The following CDCA3 variants were observed in gnomAD, a reference collection of about 807,000 sequenced individuals.
The protein encoded by CDCA3 is cell division cycle-associated protein 3.
CDCA3 carries 16 observed loss-of-function variants against 29.1 expected under a neutral mutation model. The observed-to-expected ratio is 0.55, with a 90% CI of 0.37 to 0.83. CDCA3 has a LOEUF of 0.83. CDCA3 is among the 40% of genes least tolerant of loss of function. CDCA3 has a pLI of 0.00. For synonymous variants in CDCA3, 88 were observed against 124.5 expected (o/e 0.71, Z 1.95); for missense variants, 291 against 327.2 (o/e 0.89, Z 0.85).
At chr12:6,844,819 T>A (rs1943652156), downstream of CDCA3, 1 of 152,258 alleles carries the variant, frequency 6.6e-6, no homozygotes, top group Admixed American at 6.5e-5. Flanking sequence ...ATTTTCTTTC[T>A]GTGTCTTTTG....
chr12:6,849,274 C>T lies in CDCA3; in HGVS notation c.651+49G>A, dbSNP rs1555125609. ...AGATCTGGGTAAAAGGGTCTCCCAC[C>T]CTCTACGTTGGATATCCTAGTAACA... On this transcript the variant is annotated intron_variant, in intron 5 of 5. Transcript: ENST00000538862. This position sits in a 1 kb window ranked among gnomAD's most constrained non-coding sequence, Gnocchi z 5.2. The T allele has an allele frequency of 3.1e-6, 5 of 1,599,438 alleles. No homozygotes were observed. The African/African-American group carries it at 5.4e-5, about 17-fold the overall frequency.
rs1227858820 is a variant in CDCA3 at position 6,851,246 on chromosome 12, G to C, written c.-82C>G. 8.4e-7 allele frequency: 1 copy of C among 1,184,886 alleles called. No homozygotes were observed. Among genetic ancestry groups the C allele is most frequent in the African/African-American group, 1.6e-5 (1 of 63,082 alleles). 73.4% of individuals were successfully genotyped at this position (1,184,886 alleles called of 1,614,324 possible). A position where few individuals can be genotyped will look rare whatever the true frequency, so the allele number is the denominator to read the frequency against. ...CCGGGCCCCAATTCCACCTCTGGAT[G>C]CACAACAGCTCGTGGCTCAACTCCC... On this transcript the variant is annotated 5_prime_UTR_variant, in exon 1 of 6. Coordinates refer to ENST00000538862, the MANE Select transcript of CDCA3 (RefSeq NM_031299.7).
downstream of CDCA3, chr12:6,846,501 C>T (rs1943701042): frequency 6.5e-6 from 2 of 308,802 alleles, no homozygotes; most frequent in Non-Finnish European, 6.0e-6. Flanking sequence ...CCAACCAAAG[C>T]TCTTGACAGA....
chr12:6,846,716 T>C (rs1943712031), downstream of CDCA3: 4 of 768,948 alleles, frequency 5.2e-6, no homozygotes, highest in Admixed American at 2.1e-5. Context: ...CACCCACACA[T>C]ACACTTACAC....
chr12:6,846,298 C>G (rs2137993696), downstream of CDCA3: 1 of 168,678 alleles, frequency 5.9e-6, no homozygotes, highest in African/African-American at 2.4e-5. Context: ...GAATCCAAAT[C>G]CTAATTCTGT....
At chr12:6,848,234 C>T (rs782606863), downstream of CDCA3, 1 of 152,396 alleles carries the variant, frequency 6.6e-6, no homozygotes, top group South Asian at 2.1e-4. Flanking sequence ...TGCCTATAAT[C>T]CCAGCTACTG....
At position 6,849,819 on chromosome 12, in the gene CDCA3, A is replaced by C. The variant is rs1943795240; in HGVS notation, c.290T>G (p.Phe97Cys). 2.6e-6 allele frequency: 4 copies of C among 1,568,294 alleles called. No homozygotes were observed. The highest frequency in any genetic ancestry group is 1.9e-5 in the Admixed American group (1 of 53,936). Residue 97 changes from phenylalanine (F) to cysteine (C), a missense_variant, in exon 4 of 6, where the codon TTT becomes TGT. By Grantham distance (205) the Phe-to-Cys change is radical (BLOSUM62 -2). Coordinates refer to ENST00000538862, the MANE Select transcript of CDCA3 (RefSeq NM_031299.7). The surrounding 1 kb of genome is among the most constrained non-coding windows in gnomAD (Gnocchi z 5.2). The stretch of plus-strand genomic sequence containing the variant: ...ATTTGATTTAGAGTCTTCAGTTTCA[A>C]ATACTTCACTCAGCTGTTTCACCAG... ...SPLVKQLSEV[F>C]ETEDSKSNLP... is the part of the protein sequence containing the mutation.
chr12:6,849,313 C>T lies in CDCA3; in HGVS notation c.651+10G>A. ...ATCCTAGTAACAGCTTGCACTTTCT[C>T]TTCCTTTACCTGTCGTAGTGTCAGG... On this transcript the variant is annotated intron_variant, in intron 5 of 5. Transcript: ENST00000538862. This position sits in a 1 kb window ranked among gnomAD's most constrained non-coding sequence, Gnocchi z 5.2. 1.9e-6 allele frequency: 3 copies of T among 1,594,224 alleles called. No individual in the cohort carries two copies. Among genetic ancestry groups the T allele is most frequent in the Non-Finnish European group, 2.6e-6 (3 of 1,169,514 alleles).
In CDCA3 at chr12:6,850,586, G is replaced by A; in HGVS notation, c.131C>T (p.Ser44Phe). The change falls in exon 3 of 6, where the codon TCT becomes TTT. Residue 44 changes from serine to phenylalanine, a missense_variant. Physicochemically the swap from Ser to Phe is radical, Grantham distance 155. Coordinates refer to ENST00000538862, the MANE Select transcript of CDCA3 (RefSeq NM_031299.7). This position sits in a 1 kb window ranked among gnomAD's most constrained non-coding sequence, Gnocchi z 4.7. ...ILRTPIQVESSPQPGLPAGEQ... is the reference protein window; with the variant it reads ...ILRTPIQVESFPQPGLPAGEQ... ...CCCTGCTGGTAGGCCTGGCTGTGGAGAGCTCTCCACCTGTCAAGACCATAG... is the reference window on the plus strand; with the variant it reads ...CCCTGCTGGTAGGCCTGGCTGTGGAAAGCTCTCCACCTGTCAAGACCATAG... 6.2e-7 allele frequency: 1 copy of A among 1,614,076 alleles called. No homozygotes were observed. The highest frequency in any genetic ancestry group is 8.5e-7 in the Non-Finnish European group (1 of 1,180,016).
chr12:6,844,984 GCCTCAAAAAT>G (rs1565519816), downstream of CDCA3: 1 of 152,234 alleles, frequency 6.6e-6, no homozygotes, highest in Admixed American at 6.5e-5. Flanking sequence ...TTCACCAATA[GCCTCAAAAAT>G]GTCCATAATA....
At chr12:6,846,581 C>T (rs1382905943), downstream of CDCA3, 10 of 469,058 alleles carry the variant, frequency 2.1e-5, no homozygotes, top group Admixed American at 3.5e-5. Context: ...CCCAGTCTAC[C>T]GAGTCTAGGA....
In CDCA3 at chr12:6,850,748, G is replaced by T; in HGVS notation, c.120+85C>A. ...AAAATAAGGCTAGGATAAGGGTGGG[G>T]TCATGACGGCTCTCTCAAAATCAGG... On this transcript the variant is annotated intron_variant, in intron 2 of 5. Transcript: ENST00000538862. The surrounding 1 kb of genome is among the most constrained non-coding windows in gnomAD (Gnocchi z 4.7). 2 of 1,578,844 alleles carry T rather than the reference G, an allele frequency of 1.3e-6. No individual in the cohort carries two copies. Among genetic ancestry groups the T allele is most frequent in the Non-Finnish European group, 1.7e-6 (2 of 1,156,908 alleles).
chr12:6,851,202 A>G lies in CDCA3; in HGVS notation c.-58+20T>C, dbSNP rs924775187. The G allele has an allele frequency of 7.7e-7, 1 of 1,298,712 alleles. No homozygotes were observed. Among genetic ancestry groups the G allele is most frequent in the Non-Finnish European group, 9.8e-7 (1 of 1,023,944 alleles). The allele number at this position is 1,298,712 out of a possible 1,614,324, so 80.4% of individuals were successfully genotyped here. On this transcript the variant is annotated intron_variant, in intron 1 of 5. Coordinates refer to ENST00000538862, the MANE Select transcript of CDCA3 (RefSeq NM_031299.7). ...TGCTGAGCCCTCTAACTTATTTATT[A>G]AATTATTCAAATCACTTACCGGGCC...
chr12:6,851,245 T>C lies in CDCA3; in HGVS notation c.-81A>G. 4.2e-6 allele frequency: 5 copies of C among 1,187,192 alleles called. No homozygotes were observed. The highest frequency in any genetic ancestry group is 5.2e-6 in the Non-Finnish European group (5 of 954,110). 73.5% of individuals were successfully genotyped at this position (1,187,192 alleles called of 1,614,324 possible). A position where few individuals can be genotyped will look rare whatever the true frequency, so the allele number is the denominator to read the frequency against. ...ACCGGGCCCCAATTCCACCTCTGGA[T>C]GCACAACAGCTCGTGGCTCAACTCC... is the stretch of plus-strand genomic sequence containing the variant. On this transcript the variant is annotated 5_prime_UTR_variant, in exon 1 of 6. Coordinates refer to ENST00000538862, the MANE Select transcript of CDCA3 (RefSeq NM_031299.7).
In CDCA3 at chr12:6,850,647, C is replaced by T. The variant is rs145639640; in HGVS notation, c.121-51G>A. The T allele has an allele frequency of 1.2e-5, 20 of 1,612,030 alleles. No homozygotes were observed. In the East Asian group the frequency reaches 4.5e-4, roughly 36 times the overall value. ...GTCTGGGCCCTGACTCTTCTCTCCT[C>T]TCCTCCCCATATTCCAGGAAGGAAT... On this transcript the variant is annotated intron_variant, in intron 2 of 5. Transcript: ENST00000538862. This position sits in a 1 kb window ranked among gnomAD's most constrained non-coding sequence, Gnocchi z 4.7.
downstream of CDCA3, chr12:6,847,003 C>A: frequency 1.4e-6 from 1 of 695,120 alleles, no homozygotes; most frequent in East Asian, 2.7e-5. Flanking sequence ...GTGCCATTCC[C>A]ACTAAGCTTT....
downstream of CDCA3, chr12:6,845,589 T>C (rs782066777): frequency 1.2e-6 from 2 of 1,608,052 alleles, no homozygotes; most frequent in Non-Finnish European, 1.7e-6. Flanking sequence ...CCCTCAGTTC[T>C]TCCCCAATGG....
chr12:6,849,419 G>C lies in CDCA3; in HGVS notation c.555C>G (p.Arg185=), dbSNP rs372682142. ...PETPRSSGSM[R]NRWKPNSSKV... ...TGCTGCTGTTTGGTTTCCATCTATTGCGCATAGAACCTGGGGTGGGTAAGG... is the reference window on the plus strand; with the variant it reads ...TGCTGCTGTTTGGTTTCCATCTATTCCGCATAGAACCTGGGGTGGGTAAGG... Residue 185 remains arginine, a synonymous_variant, in exon 5 of 6, where the codon CGC becomes CGG. Transcript: ENST00000538862. The surrounding 1 kb of genome is among the most constrained non-coding windows in gnomAD (Gnocchi z 5.2). 7.5e-6 allele frequency: 12 copies of C among 1,593,456 alleles called. No homozygotes were observed. Among genetic ancestry groups the C allele is most frequent in the Non-Finnish European group, 9.4e-6 (11 of 1,169,726 alleles).
downstream of CDCA3, chr12:6,845,643 T>C: frequency 6.2e-7 from 1 of 1,613,874 alleles, no homozygotes; most frequent in Non-Finnish European, 8.5e-7. Context: ...CTGCCGCTTG[T>C]TTGACCTGCG....
Sources: allele counts gnomAD v4.1 joint callset, GRCh38; gene constraint gnomAD v4.1.1; non-coding constraint Gnocchi (gnomAD v3.1); transcripts MANE v1.5; gene names NCBI Gene and HGNC (gene_info 2026-07-23, HGNC 2026-07-21).